The following LRP1 variants were observed in gnomAD, a reference collection of about 807,000 sequenced individuals.
LRP1 encodes the protein LDL receptor related protein 1.
Under a neutral mutation model 541.5 loss-of-function variants are expected in LRP1, and 51 were observed. The ratio of observed to expected loss-of-function variants is 0.09; its 90% CI spans 0.08 to 0.12. The LOEUF is 0.12. LRP1 is among the 10% of genes least tolerant of loss of function. The pLI, the probability that LRP1 is intolerant of heterozygous loss-of-function variation, is 1.00. For missense variants in LRP1, 3,878 were observed against 6,376.2 expected (o/e 0.61, Z 13.34); for synonymous variants, 2,219 against 2,470.8 (o/e 0.90, Z 3.02).
At position 57,184,913 on chromosome 12, in the gene LRP1, C is replaced by T. The variant is rs140921686; in HGVS notation, c.6261C>T (p.Arg2087=). The part of the protein sequence containing the change: ...ERIDLETGEN[R]EVVLSSNNMD... ...TCGACCTGGAGACAGGTGAGAACCG[C>T]GAGGTGGTTCTGTCCAGCAACAACA... The change falls in exon 39 of 89, where the codon CGC becomes CGT. Residue 2087 remains arginine, a synonymous_variant. Transcript: ENST00000243077. This position sits in a 1 kb window ranked among gnomAD's most constrained non-coding sequence, Gnocchi z 7.8. 4.4e-4 allele frequency: 708 copies of T among 1,614,148 alleles called. 2 individuals are homozygous for T. The East Asian group carries it at 6.4e-3, about 15-fold the overall frequency.
At chr12:57,208,856 G>C (rs553953292) in intron 78 of LRP1, 39 bp downstream of exon 78, 3 of 1,530,962 alleles carry the variant, frequency 2.0e-6, no homozygotes, top group Admixed American at 3.4e-5. Context: ...GGCATGGAGG[G>C]GGCCCGGCTC....
chr12:57,194,436 C>T lies in LRP1; in HGVS notation c.8001C>T (p.Tyr2667=), dbSNP rs2036482205. The part of the protein sequence containing the change: ...FQPCERTSLC[Y]APSWVCDGAN... ...CCTGCGAGCGGACCTCACTCTGCTA[C>T]GCACCCAGCTGGGTGTGTGATGGCG... is the stretch of plus-strand genomic sequence containing the variant. Residue 2667 remains tyrosine, a synonymous_variant, in exon 49 of 89, where the codon TAC becomes TAT. Transcript: ENST00000243077. 9 of 1,548,328 alleles carry T rather than the reference C, an allele frequency of 5.8e-6. No homozygotes were observed. Among genetic ancestry groups the T allele is most frequent in the South Asian group, 2.5e-5 (2 of 81,124 alleles).
Position 57,156,810 on chromosome 12 carries a change from G to A in LRP1, c.1451G>A (p.Gly484Glu). The change falls in exon 10 of 89, where the codon GGG becomes GAG. Residue 484 changes from glycine (G) to glutamate (E), a missense_variant. By Grantham distance (98) the Gly-to-Glu change is moderately conservative. Around this residue, in one of 13 missense-constraint regions of LRP1, gnomAD observed 496 missense variants for 861.0 expected, o/e 0.58. Transcript: ENST00000243077. This position sits in a 1 kb window ranked among gnomAD's most constrained non-coding sequence, Gnocchi z 5.2. ...RSHACENDQY[G>E]KPGGCSDICL... ...CATGCCTGTGAAAACGACCAGTATG[G>A]GAAGCCGGGTGGCTGCTCTGACATC... is the stretch of plus-strand genomic sequence containing the variant. 1.2e-6 allele frequency: 2 copies of A among 1,609,844 alleles called. No individual in the cohort carries two copies. The highest frequency in any genetic ancestry group is 1.7e-6 in the Non-Finnish European group (2 of 1,178,256).
chr12:57,158,424 C>T lies in LRP1; in HGVS notation c.1584C>T (p.Leu528=), dbSNP rs773671500. 3.1e-6 allele frequency: 5 copies of T among 1,612,238 alleles called. No homozygotes were observed. The highest frequency in any genetic ancestry group is 1.1e-5 in the South Asian group (1 of 90,986). ...SCKKPEHELF[L]VYGKGRPGII... ...TAGAGCCGGAGCATGAGCTGTTCCT[C>T]GTGTATGGCAAGGGCCGGCCAGGCA... Residue 528 remains leucine, a synonymous_variant, in exon 11 of 89, where the codon CTC becomes CTT. Transcript: ENST00000243077. The surrounding 1 kb of genome is among the most constrained non-coding windows in gnomAD (Gnocchi z 5.3).
At position 57,177,844 on chromosome 12, in the gene LRP1, C is replaced by T. The variant is rs2036080071; in HGVS notation, c.4361+253C>T. Among the ~76,000 whole-genome samples the T allele has an allele frequency of 6.6e-6, 1 of 152,102 alleles. No individual in the cohort carries two copies. Among genetic ancestry groups the T allele is most frequent in the African/African-American group, 2.4e-5 (1 of 41,408 alleles). On this transcript the variant is annotated intron_variant, in intron 26 of 88. Transcript: ENST00000243077. The surrounding 1 kb of genome is among the most constrained non-coding windows in gnomAD (Gnocchi z 6.8). ...CACACTGTACCATCCTCTCCACTCA[C>T]CTGTCCTCTCCACTCTGTTCCCTCT...
rs544117538 is a variant in LRP1, at chr12:57,201,384, G to A, written c.10346-113G>A. ...CTGGGGATAAACTGTTCCTTCCTCC[G>A]AAGAAGTTGCTGGCAGGACCAAGGC... On this transcript the variant is annotated intron_variant, in intron 65 of 88. Transcript: ENST00000243077. The surrounding 1 kb of genome is among the most constrained non-coding windows in gnomAD (Gnocchi z 6.4). 54 of 1,482,620 alleles carry A rather than the reference G, an allele frequency of 3.6e-5. No homozygotes were observed. Among genetic ancestry groups the A allele is most frequent in the Non-Finnish European group, 4.1e-5 (45 of 1,098,310 alleles). The allele number at this position is 1,482,620 out of a possible 1,614,324, so 91.8% of individuals were successfully genotyped here.
rs999207558 is a variant in LRP1 at position 57,206,305 on chromosome 12, G to A, written c.11591-168G>A. The stretch of plus-strand genomic sequence containing the variant: ...AGGGGAGGAGAGGAGGAGGTCCAGA[G>A]GCTGAGGTTGGAGCCTGCAACCCTG... On this transcript the variant is annotated intron_variant, in intron 75 of 88. Transcript: ENST00000243077. The surrounding 1 kb of genome is among the most constrained non-coding windows in gnomAD (Gnocchi z 4.7). Among the ~76,000 whole-genome samples the A allele has an allele frequency of 5.5e-4, 84 of 152,338 alleles. No individual in the cohort carries two copies. The highest frequency in any genetic ancestry group is 1.9e-3 in the African/African-American group (81 of 41,568).
At chr12:57,194,332 C>T (rs552261528) in intron 48 of LRP1, 22 bp from the exon 49 acceptor site, 1 of 1,508,794 alleles carries the variant, frequency 6.6e-7, no homozygotes, top group Non-Finnish European at 8.8e-7. Context: ...CCAGGTATCA[C>T]CCTCACCCCT....
intron 6 of LRP1, among the ~76,000 whole-genome samples, chr12:57,151,139 G>C (rs1321135151): frequency 6.6e-6 from 1 of 152,174 alleles, no homozygotes; most frequent in African/African-American, 2.4e-5. Context: ...TGGGCATGGG[G>C]TGGGTCCCAT....
chr12:57,186,654 A>C (rs924966503), intron 41 of LRP1, among the ~76,000 whole-genome samples: 1 of 152,196 alleles, frequency 6.6e-6, no homozygotes, highest in Non-Finnish European at 1.5e-5. Context: ...TCGGTACTCC[A>C]TGCTCGTAGC....
At position 57,210,782 on chromosome 12, in the gene LRP1, G is replaced by A. The variant is rs754333591; in HGVS notation, c.12819G>A (p.Ala4273=). 3.8e-5 allele frequency: 61 copies of A among 1,613,346 alleles called. No individual in the cohort carries two copies. The highest frequency in any genetic ancestry group is 1.8e-4 in the Admixed American group (11 of 60,008). The change falls in exon 83 of 89, where the codon GCG becomes GCA. Residue 4273 remains alanine, a synonymous_variant. Transcript: ENST00000243077. ...TGPKCTQQVC[A]GYCANNSTCT... ...CCAAATGCACCCAGCAGGTGTGTGC[G>A]GGCTACTGTGCCAACAACAGCACCT... is the stretch of plus-strand genomic sequence containing the variant.
Position 57,185,973 on chromosome 12 carries a change from A to C in LRP1, c.6841+65A>C. ...GGGGCGGGGAGCAGCACAGACTCTT[A>C]GACCCCAGCCAGGCACTCTACCCTA... is the stretch of plus-strand genomic sequence containing the variant. On this transcript the variant is annotated intron_variant, in intron 41 of 88. Coordinates refer to ENST00000243077, the MANE Select transcript of LRP1 (RefSeq NM_002332.3). The surrounding 1 kb of genome is among the most constrained non-coding windows in gnomAD (Gnocchi z 4.9). The C allele has an allele frequency of 6.5e-7, 1 of 1,528,920 alleles. No homozygotes were observed. The highest frequency in any genetic ancestry group is 8.8e-7 in the Non-Finnish European group (1 of 1,135,976). 94.7% of individuals were successfully genotyped at this position (1,528,920 alleles called of 1,614,324 possible).
chr12:57,131,300 C>T (rs1309261923), intron 1 of LRP1, among the ~76,000 whole-genome samples: 1 of 152,196 alleles, frequency 6.6e-6, no homozygotes, highest in East Asian at 1.9e-4. Context: ...TAACGTCACT[C>T]CCCACTAGCG....
In LRP1 at chr12:57,194,955, C is replaced by T. The variant is rs780616256; in HGVS notation, c.8192-30C>T. ...CCAGGTGGGTGACCCCCACCCTTCC[C>T]CATCTAACTGTGGCTTCTGACTGCC... On this transcript the variant is annotated intron_variant, in intron 50 of 88. Coordinates refer to ENST00000243077, the MANE Select transcript of LRP1 (RefSeq NM_002332.3). 21 of 1,571,858 alleles carry T rather than the reference C, an allele frequency of 1.3e-5. No individual in the cohort carries two copies. In the South Asian group the frequency reaches 2.3e-4, roughly 17 times the overall value.
At chr12:57,187,706 G>A (rs1459543751) in intron 42 of LRP1, among the ~76,000 whole-genome samples, 1 of 152,240 alleles carries the variant, frequency 6.6e-6, no homozygotes, top group Non-Finnish European at 1.5e-5. Flanking sequence ...GGGACGCTCT[G>A]CCTTTGTGAT....
intron 76 of LRP1, among the ~76,000 whole-genome samples, chr12:57,207,530 CAA>C (rs11336238): frequency 1.2e-3 from 167 of 135,338 alleles, no homozygotes; most frequent in Non-Finnish European, 1.4e-3. Context: ...GACTCCGTCT[CAA>C]AAAAAAAAAA....
Position 57,158,772 on chromosome 12 carries a change from G to GTCAATCTGTCTATCCCCTC in LRP1, c.1798+134_1798+135insTCAATCTGTCTATCCCCTC. 1.2e-6 allele frequency: 1 copy of GTCAATCTGTCTATCCCCTC among 815,588 alleles called. No homozygotes were observed. Among genetic ancestry groups the GTCAATCTGTCTATCCCCTC allele is most frequent in the Non-Finnish European group, 2.0e-6 (1 of 502,676 alleles). 50.5% of individuals were successfully genotyped at this position (815,588 alleles called of 1,614,324 possible). ...GCACTGGTTGGCATGGAGATGAGGG[G>GTCAATCTGTCTATCCCCTC]ATAGACAGATTGACCCCTGTGTGAC... On this transcript the variant is annotated intron_variant, in intron 11 of 88. Coordinates refer to ENST00000243077, the MANE Select transcript of LRP1 (RefSeq NM_002332.3). The surrounding 1 kb of genome is among the most constrained non-coding windows in gnomAD (Gnocchi z 5.3).
chr12:57,174,080 T>A, intron 22 of LRP1, 100 bp downstream of exon 22: 1 of 1,265,126 alleles, frequency 7.9e-7, no homozygotes, highest in Non-Finnish European at 1.1e-6. Context: ...AGAGCAGCTC[T>A]GGCAGCCGGG....
intron 1 of LRP1, among the ~76,000 whole-genome samples, chr12:57,131,769 C>T (rs1487370264): frequency 6.6e-6 from 1 of 152,186 alleles, no homozygotes; most frequent in Non-Finnish European, 1.5e-5. Flanking sequence ...TCTTCATTTT[C>T]TCAACCACCC....
Sources: gnomAD v4.1 joint callset for allele counts (sites outside exome capture counted in the v4.1 genomes callset) on GRCh38, gnomAD v4.1.1 for gene constraint, gnomAD v4.1.1 regional missense constraint, Gnocchi (gnomAD v3.1) non-coding constraint, MANE v1.5 for transcripts, NCBI Gene and HGNC (gene_info 2026-07-23, HGNC 2026-07-21) for gene names.